Variants in CDH4 observed in about 807,000 individuals in gnomAD.
CDH4 encodes the protein cadherin-4.
In CDH4, 33 loss-of-function variants were observed where a neutral mutation model predicts 86.0. The observed-to-expected ratio is 0.38, with a 90% CI of 0.29 to 0.51. The LOEUF (loss-of-function observed/expected upper bound fraction) is 0.51. CDH4 is among the 20% of genes least tolerant of loss of function. The pLI is 0.86. For missense variants in CDH4, 1,114 were observed against 1,307.4 expected (o/e 0.85, Z 2.28); for synonymous variants, 555 against 549.4 (o/e 1.01, Z -0.14).
chr20:61,656,730 G>A (rs1161697818), intron 2 of CDH4, among the ~76,000 whole-genome samples: 2 of 152,162 alleles, frequency 1.3e-5, no homozygotes, highest in Admixed American at 6.5e-5. Flanking sequence ...TCCCAGGATC[G>A]TCCCCTGCAT....
At chr20:61,528,955 A>G (rs2085933293) in intron 2 of CDH4, among the ~76,000 whole-genome samples, 1 of 151,708 alleles carries the variant, frequency 6.6e-6, no homozygotes, top group Non-Finnish European at 1.5e-5. Context: ...TAGACATTTT[A>G]GAAAGGTTCC....
At chr20:61,650,305 A>G (rs1427674894) in intron 2 of CDH4, among the ~76,000 whole-genome samples, 1 of 152,164 alleles carries the variant, frequency 6.6e-6, no homozygotes, top group African/African-American at 2.4e-5. Context: ...GCGTGAAAAC[A>G]GGGTCTGTGT....
rs1333740722 is a variant in CDH4 at position 61,501,763 on chromosome 20, CATT to C, written c.170-241797_170-241795del. ...CTCCACCATTCGTTAGGGAGCCACT[CATT>C]ATGGGACGGACCACCAGACGCGACT... On this transcript the variant is annotated intron_variant, in intron 2 of 15. Coordinates refer to ENST00000614565, the MANE Select transcript of CDH4 (RefSeq NM_001794.5). This position sits in a 1 kb window ranked among gnomAD's most constrained non-coding sequence, Gnocchi z 4.2. 1.3e-5 allele frequency among the ~76,000 whole-genome samples: 2 copies of C among 152,172 alleles called. No homozygotes were observed. The highest frequency in any genetic ancestry group is 6.5e-5 in the Admixed American group (1 of 15,282).
At chr20:61,638,040 ATG>A (rs1437626178) in intron 2 of CDH4, among the ~76,000 whole-genome samples, 45 of 151,958 alleles carry the variant, frequency 3.0e-4, no homozygotes, top group African/African-American at 8.2e-4. Context: ...TAAAAAAAAA[ATG>A]AAGAGAGGAG....
intron 2 of CDH4, among the ~76,000 whole-genome samples, chr20:61,369,078 A>G (rs541146338): frequency 1.4e-4 from 21 of 152,282 alleles, no homozygotes; most frequent in Admixed American, 7.2e-4. Flanking sequence ...CATGAAATGT[A>G]TAGACCGATT....
chr20:61,397,286 T>G (rs1484840786), intron 2 of CDH4, among the ~76,000 whole-genome samples: 4 of 152,144 alleles, frequency 2.6e-5, no homozygotes, highest in African/African-American at 9.7e-5. Flanking sequence ...TGAAGTTTCT[T>G]GCGACGAATG....
At chr20:61,631,592 C>T (rs2086889208) in intron 2 of CDH4, among the ~76,000 whole-genome samples, 1 of 152,066 alleles carries the variant, frequency 6.6e-6, no homozygotes, top group Non-Finnish European at 1.5e-5. Context: ...TGCAGTGAGC[C>T]GAGATCACGC....
chr20:61,610,887 C>T (rs56194045), intron 2 of CDH4, among the ~76,000 whole-genome samples: 4,687 of 152,218 alleles, frequency 0.031, 99 homozygotes, highest in Middle Eastern at 0.075. Context: ...ATCAAGGGCT[C>T]CAGAGTGGAC....
chr20:61,264,797 C>T (rs2084147975), intron 2 of CDH4, among the ~76,000 whole-genome samples: 1 of 142,752 alleles, frequency 7.0e-6, no homozygotes, highest in Non-Finnish European at 1.5e-5. Flanking sequence ...ACCCCAGTGG[C>T]TCCTTCATTC....
At chr20:61,719,025 G>A (rs1359552150) in intron 2 of CDH4, 2 of 471,124 alleles carry the variant, frequency 4.2e-6, no homozygotes, top group Non-Finnish European at 8.8e-6. Flanking sequence ...GGCTCTAAGT[G>A]TGATGAGAGA....
intron 7 of CDH4, among the ~76,000 whole-genome samples, chr20:61,887,705 G>A (rs187212568): frequency 1.3e-5 from 2 of 152,340 alleles, no homozygotes; most frequent in Admixed American, 1.3e-4. Flanking sequence ...ATGTCATGCC[G>A]CAAGTCTGTG....
intron 2 of CDH4, among the ~76,000 whole-genome samples, chr20:61,282,867 G>A (rs1298712912): frequency 6.8e-6 from 1 of 146,590 alleles, no homozygotes; most frequent in Non-Finnish European, 1.5e-5. Context: ...CATGTGCTGT[G>A]GTGTGTGTGA....
chr20:61,530,485 G>A (rs1267793144), intron 2 of CDH4, among the ~76,000 whole-genome samples: 1 of 152,078 alleles, frequency 6.6e-6, no homozygotes, highest in Non-Finnish European at 1.5e-5. Context: ...TGTGGTGGAG[G>A]GATGCCGTGG....
Position 61,582,892 on chromosome 20 carries a change from G to A in CDH4, c.170-160671G>A, listed in dbSNP as rs73914890. On this transcript the variant is annotated intron_variant, in intron 2 of 15. Coordinates refer to ENST00000614565, the MANE Select transcript of CDH4 (RefSeq NM_001794.5). The surrounding 1 kb of genome is among the most constrained non-coding windows in gnomAD (Gnocchi z 4.2). ...CAGTCCATTTTAGAATGTTTTCATCGCCTCACAAAGAAACTCCACACCCTT... is the reference window on the plus strand; with the variant it reads ...CAGTCCATTTTAGAATGTTTTCATCACCTCACAAAGAAACTCCACACCCTT... Among the ~76,000 whole-genome samples the A allele has an allele frequency of 0.038, 5,761 of 152,148 alleles. 301 individuals carry two copies. Among genetic ancestry groups the A allele is most frequent in the African/African-American group, 0.12 (4,817 of 41,478 alleles).
chr20:61,930,167 T>C (rs2055090347), intron 13 of CDH4, among the ~76,000 whole-genome samples: 1 of 152,124 alleles, frequency 6.6e-6, no homozygotes, highest in Non-Finnish European at 1.5e-5. Context: ...TGTGGGCAGC[T>C]CCCAGGTGGA....
At chr20:61,571,043 A>C (rs1430637182) in intron 2 of CDH4, among the ~76,000 whole-genome samples, 1 of 152,152 alleles carries the variant, frequency 6.6e-6, no homozygotes, top group Non-Finnish European at 1.5e-5. Flanking sequence ...TACCTGGCTC[A>C]TCTCCAAGGG....
Position 61,940,069 on chromosome 20 carries a change from T to C in CDH4, c.*3126T>C, listed in dbSNP as rs1323741120. ...AAAGCTGGGCGAGGGGTAGTCTCAA[T>C]TTCTGTCAGTGCTCAAAGGAATAAC... On this transcript the variant is annotated 3_prime_UTR_variant, in exon 16 of 16. Coordinates refer to ENST00000614565, the MANE Select transcript of CDH4 (RefSeq NM_001794.5). The C allele has an allele frequency of 1.3e-5, 2 of 152,196 alleles. No individual in the cohort carries two copies. Among genetic ancestry groups the C allele is most frequent in the African/African-American group, 4.8e-5 (2 of 41,434 alleles). The allele number at this position is 152,196 out of a possible 1,614,324, so 9.4% of individuals were successfully genotyped here. A position where few individuals can be genotyped will look rare whatever the true frequency, so the allele number is the denominator to read the frequency against.
chr20:61,939,865 C>T lies in CDH4; in HGVS notation c.*2922C>T, dbSNP rs997446790. 3.3e-5 allele frequency: 5 copies of T among 152,348 alleles called. No individual in the cohort carries two copies. Among genetic ancestry groups the T allele is most frequent in the Admixed American group, 2.6e-4 (4 of 15,298 alleles). The allele number at this position is 152,348 out of a possible 1,614,324, so 9.4% of individuals were successfully genotyped here. On this transcript the variant is annotated 3_prime_UTR_variant, in exon 16 of 16. Coordinates refer to ENST00000614565, the MANE Select transcript of CDH4 (RefSeq NM_001794.5). ...GGCCTGGGCAGCCCCAATTTCTGGC[C>T]CAGCAGGTTTCTCTTTGTAGTGTCT...
intron 2 of CDH4, among the ~76,000 whole-genome samples, chr20:61,413,422 C>G (rs2085130576): frequency 6.6e-6 from 1 of 152,144 alleles, no homozygotes; most frequent in Non-Finnish European, 1.5e-5. Flanking sequence ...CGGGCTTCTC[C>G]TCACCTTCCA....
Sources: gnomAD v4.1 joint callset for allele counts (sites outside exome capture counted in the v4.1 genomes callset) on GRCh38, gnomAD v4.1.1 for gene constraint, Gnocchi (gnomAD v3.1) non-coding constraint, MANE v1.5 for transcripts, NCBI Gene and HGNC (gene_info 2026-07-23, HGNC 2026-07-21) for gene names.